Variants in POLG observed in about 807,000 individuals in gnomAD.
The protein encoded by POLG is DNA polymerase subunit gamma-1.
A neutral mutation model predicts 155.4 loss-of-function variants in POLG; 110 were observed. The ratio of observed to expected loss-of-function variants is 0.71; its 90% CI spans 0.61 to 0.83. The LOEUF is 0.83. POLG is among the 40% of genes least tolerant of loss of function. POLG has a pLI of 0.00. For missense variants in POLG, 1,685 were observed against 1,627.5 expected (o/e 1.04, Z -0.61); for synonymous variants, 701 against 631.5 (o/e 1.11, Z -1.65).
In POLG at chr15:89,326,467, A is replaced by C. The variant is rs2055518812; in HGVS notation, c.1712+145T>G. The C allele has an allele frequency of 7.7e-6, 7 of 903,910 alleles. No homozygotes were observed. In the South Asian group the frequency reaches 1.1e-4, roughly 14 times the overall value. 56.0% of individuals were successfully genotyped at this position (903,910 alleles called of 1,614,324 possible). On this transcript the variant is annotated intron_variant, in intron 9 of 22. Coordinates refer to ENST00000268124, the MANE Select transcript of POLG (RefSeq NM_002693.3). ...TCCAGAGTGAGCAAATGAGAATAGG[A>C]CTGGAAGACAGTGTGACTGAATGGC...
At position 89,323,502 on chromosome 15, in the gene POLG, C is replaced by G. The variant is rs762070650; in HGVS notation, c.2167G>C (p.Gly723Arg). The G allele has an allele frequency of 2.7e-5, 44 of 1,610,460 alleles. No individual in the cohort carries two copies. Among genetic ancestry groups the G allele is most frequent in the Non-Finnish European group, 3.7e-5 (44 of 1,176,802 alleles). Residue 723 changes from glycine (G) to arginine (R), a missense_variant, in exon 13 of 23, where the codon GGT (glycine) becomes CGT (arginine). Physicochemically the swap from Gly to Arg is moderately radical, Grantham distance 125. Around this residue, in one of 3 missense-constraint regions of POLG, gnomAD observed 1,210 missense variants for 1,167.1 expected, o/e 1.04. Coordinates refer to ENST00000268124, the MANE Select transcript of POLG (RefSeq NM_002693.3). ...CTGGGCTGGGTGTCCTTGGGGCCAC[C>G]ACGGGCAGTCTGTGAGGGCCACACA... Reference protein sequence around the residue: ...PGQPLALTARGGPKDTQPSYH... With the variant: ...PGQPLALTARRGPKDTQPSYH...
chr15:89,317,499 G>GCAAGT lies in POLG; in HGVS notation c.3515_3519dup (p.Pro1174ThrfsTer22). 2 of 1,614,064 alleles carry GCAAGT rather than the reference G, an allele frequency of 1.2e-6. No homozygotes were observed. Among genetic ancestry groups the GCAAGT allele is most frequent in the Non-Finnish European group, 1.7e-6 (2 of 1,179,956 alleles). ...GCACTGAAAAAGGCGACTGACTGGG[G>GCAAGT]CAAGTCATTCAGACCCAGCTTGTAG... On this transcript the variant is annotated frameshift_variant, in exon 22 of 23. Coordinates refer to ENST00000268124, the MANE Select transcript of POLG (RefSeq NM_002693.3). LOFTEE classifies it high-confidence loss of function.
intron 10 of POLG, 129 bp from the exon 11 acceptor site, chr15:89,324,356 T>G (rs2055441926): frequency 2.8e-6 from 3 of 1,052,818 alleles, no homozygotes; most frequent in South Asian, 2.7e-5. Flanking sequence ...CAGAACCAGA[T>G]AGCACTTTCC....
intron 3 of POLG, among the ~76,000 whole-genome samples, chr15:89,329,694 G>A (rs2055569691): frequency 1.3e-5 from 2 of 152,124 alleles, no homozygotes; most frequent in Admixed American, 1.3e-4. Flanking sequence ...AATCCTATGA[G>A]ATTTCTGTTA....
chr15:89,322,857 G>A lies in POLG; in HGVS notation c.2311C>T (p.Leu771=), dbSNP rs1596353688. 7 of 1,613,870 alleles carry A rather than the reference G, an allele frequency of 4.3e-6. No homozygotes were observed. The East Asian group carries it at 1.6e-4, about 36-fold the overall frequency. The change falls in exon 14 of 23, where the codon CTG becomes TTG. Residue 771 remains leucine (L), a synonymous_variant. Transcript: ENST00000268124. ...NVGSPFAKDF[L]PKMEDGTLQA... ...AGGGTGCCATCCTCCATCTTGGGCA[G>A]GAAGTCCTTGGCAAAGGGGCTTCCC...
At position 89,323,465 on chromosome 15, in the gene POLG, CCATGGTGATAGCTGG is replaced by C. The variant is rs1567188239; in HGVS notation, c.2189_2203del (p.Pro730_Gly735delinsArg). On this transcript the variant is annotated inframe_deletion, in exon 13 of 23. Coordinates refer to ENST00000268124, the MANE Select transcript of POLG (RefSeq NM_002693.3). ...GTCCACGTCGTTGTAAGGTCCATTG[CCATGGTGATAGCTGG>C]GCTGGGTGTCCTTGGGGCCACCACG... is the stretch of plus-strand genomic sequence containing the variant. 2 of 1,614,040 alleles carry C rather than the reference CCATGGTGATAGCTGG, an allele frequency of 1.2e-6. No individual in the cohort carries two copies. Among genetic ancestry groups the C allele is most frequent in the Non-Finnish European group, 1.7e-6 (2 of 1,179,912 alleles).
At chr15:89,329,209 AG>A in intron 3 of POLG, 99 bp from the exon 4 acceptor site, 1 of 991,806 alleles carries the variant, frequency 1.0e-6, no homozygotes, top group Non-Finnish European at 1.5e-6. Flanking sequence ...GCCCCACCTC[AG>A]CTCCTCAAAC....
intron 9 of POLG, among the ~76,000 whole-genome samples, 179 bp downstream of exon 9, chr15:89,326,433 G>C (rs754165372): frequency 6.6e-6 from 1 of 152,250 alleles, no homozygotes; most frequent in Non-Finnish European, 1.5e-5. Context: ...AATGAGTCCA[G>C]TGAGCCGGTC....
intron 21 of POLG, chr15:89,317,975 T>A: frequency 6.6e-6 from 2 of 305,180 alleles, no homozygotes; most frequent in Non-Finnish European, 1.3e-5. Context: ...CCAAACTGGT[T>A]CTGAGTGGCA....
At position 89,322,846 on chromosome 15, in the gene POLG, C is replaced by G. The variant is rs754144065; in HGVS notation, c.2322G>C (p.Met774Ile). Reference sequence around the variant, plus strand: ...GGCCAGCCTGCAGGGTGCCATCCTCCATCTTGGGCAGGAAGTCCTTGGCAA... The same window carrying G: ...GGCCAGCCTGCAGGGTGCCATCCTCGATCTTGGGCAGGAAGTCCTTGGCAA... The part of the protein sequence containing the change: ...SPFAKDFLPK[M>I]EDGTLQAGPG... The change falls in exon 14 of 23, where the codon ATG becomes ATC. Residue 774 changes from methionine (M) to isoleucine (I), a missense_variant. Physicochemically the swap from Met to Ile is conservative, Grantham distance 10. Around this residue, in one of 3 missense-constraint regions of POLG, gnomAD observed 1,210 missense variants for 1,167.1 expected, o/e 1.04. Transcript: ENST00000268124. The G allele has an allele frequency of 6.2e-7, 1 of 1,614,042 alleles. No individual in the cohort carries two copies. Among genetic ancestry groups the G allele is most frequent in the South Asian group, 1.1e-5 (1 of 91,082 alleles).
In POLG at chr15:89,328,441, T is replaced by A. The variant is rs763678853; in HGVS notation, c.1250+15A>T. 6 of 1,607,972 alleles carry A rather than the reference T, an allele frequency of 3.7e-6. No individual in the cohort carries two copies. The highest frequency in any genetic ancestry group is 1.6e-4 in the Middle Eastern group (1 of 6,070). On this transcript the variant is annotated intron_variant, in intron 6 of 22. Coordinates refer to ENST00000268124, the MANE Select transcript of POLG (RefSeq NM_002693.3). ...ACACTGACCCCCAGAGATTCCCACA[T>A]GGGCTCCCCCTCACCTCTCCAAGAA... is the stretch of plus-strand genomic sequence containing the variant.
At chr15:89,319,528 G>C (rs908585281) in intron 18 of POLG, 178 bp from the exon 19 acceptor site, 9 of 809,740 alleles carry the variant, frequency 1.1e-5, no homozygotes, top group Non-Finnish European at 1.6e-5. Flanking sequence ...CCTTGCCTAG[G>C]ATCATGGAGC....
In POLG at chr15:89,325,256, G is replaced by A. The variant is rs1270888511; in HGVS notation, c.1949+194C>T. Among the ~76,000 whole-genome samples, 164 of 88,244 alleles carry A rather than the reference G, an allele frequency of 1.9e-3. 48 individuals carry two copies. The highest frequency in any genetic ancestry group is 0.011 in the African/African-American group (155 of 14,498). 57.9% of individuals were successfully genotyped at this position (88,244 alleles called of 152,430 possible). A position where few individuals can be genotyped will look rare whatever the true frequency, so the allele number is the denominator to read the frequency against. On this transcript the variant is annotated intron_variant, in intron 10 of 22. Transcript: ENST00000268124. ...TGAGAGAGTGAGTGAGTGAGAGAGA[G>A]AGTGAGTGAGTGAGTGAGAGAGAGA...
intron 7 of POLG, 39 bp downstream of exon 7, chr15:89,327,128 G>A (rs1421255817): frequency 6.2e-7 from 1 of 1,614,092 alleles, no homozygotes; most frequent in South Asian, 1.1e-5. Context: ...CCACCTGCCA[G>A]TCCCCTGCCT....
At chr15:89,321,081 A>G in intron 17 of POLG, 44 bp downstream of exon 17, 2 of 1,449,104 alleles carry the variant, frequency 1.4e-6, no homozygotes, top group Non-Finnish European at 1.9e-6. Context: ...AGAACTGTCA[A>G]TATGCTGAGG....
At chr15:89,329,176 C>A (rs1183184575) in intron 3 of POLG, 66 bp from the exon 4 acceptor site, 2 of 1,425,202 alleles carry the variant, frequency 1.4e-6, no homozygotes, top group African/African-American at 2.8e-5. Context: ...CAGCCCACCA[C>A]TGCTTGGTGG....
intron 14 of POLG, 145 bp downstream of exon 14, chr15:89,322,597 A>G: frequency 1.2e-6 from 1 of 823,510 alleles, no homozygotes; most frequent in Non-Finnish European, 2.1e-6. Flanking sequence ...AGACCTGCCC[A>G]AGGTCCATGG....
chr15:89,317,654 C>T, intron 21 of POLG, 118 bp from the exon 22 acceptor site: 10 of 976,598 alleles, frequency 1.0e-5, no homozygotes, highest in Admixed American at 1.8e-5. Context: ...AACACCCCAT[C>T]TGTTCACTTA....
In POLG at chr15:89,321,792, C is replaced by T. The variant is rs113994098; in HGVS notation, c.2542G>A (p.Gly848Ser). The T allele has an allele frequency of 3.1e-4, 498 of 1,614,136 alleles. No individual in the cohort carries two copies. The highest frequency in any genetic ancestry group is 3.9e-4 in the Non-Finnish European group (465 of 1,180,024). The change falls in exon 16 of 23, where the codon GGC becomes AGC. Residue 848 changes from glycine (G) to serine (S), a missense_variant. Around this residue, in one of 3 missense-constraint regions of POLG, gnomAD observed 1,210 missense variants for 1,167.1 expected, o/e 1.04. Coordinates refer to ENST00000268124, the MANE Select transcript of POLG (RefSeq NM_002693.3). ...GAILPQVVTAGTITRRAVEPT... is the reference protein window; with the variant it reads ...GAILPQVVTASTITRRAVEPT... ...TCCACAGCCCGGCGAGTGATGGTGC[C>T]GGCAGTCACCACTTGGGGCAGGATG...
Sources: allele counts gnomAD v4.1 joint callset (sites outside exome capture counted in the v4.1 genomes callset), GRCh38; gene constraint gnomAD v4.1.1; regional missense constraint gnomAD v4.1.1; transcripts MANE v1.5; gene names NCBI Gene and HGNC (gene_info 2026-07-23, HGNC 2026-07-21).